Variants in IL23R observed in about 807,000 individuals in gnomAD.
IL23R encodes the protein interleukin-23 receptor.
IL23R carries 34 observed loss-of-function variants against 56.9 expected under a neutral mutation model. The observed-to-expected ratio is 0.60, with a 90% CI of 0.45 to 0.80. The LOEUF (loss-of-function observed/expected upper bound fraction) is 0.80. Ranked by LOEUF, IL23R falls within the 30% of genes least tolerant of loss-of-function variation. The probability of loss-of-function intolerance (pLI) is 0.00; values close to 1 mark genes in which losing one functional copy is unlikely to be tolerated. For synonymous variants in IL23R, 230 were observed against 249.2 expected (o/e 0.92, Z 0.73); for missense variants, 635 against 730.0 (o/e 0.87, Z 1.50).
At chr1:67,221,331 A>G (rs1420885215) in intron 7 of IL23R, among the ~76,000 whole-genome samples, 1 of 152,192 alleles carries the variant, frequency 6.6e-6, no homozygotes, top group Non-Finnish European at 1.5e-5. Context: ...AGAAAATTTT[A>G]TTAAGAACAT....
At chr1:67,152,582 T>C (rs948910734) in intron 1 of IL23R, among the ~76,000 whole-genome samples, 1 of 152,200 alleles carries the variant, frequency 6.6e-6, no homozygotes, top group African/African-American at 2.4e-5. Flanking sequence ...GTATTGGCTA[T>C]GGGTTGTCAT....
At chr1:67,199,213 T>C (rs550360529) in intron 4 of IL23R, among the ~76,000 whole-genome samples, 185 of 152,326 alleles carry the variant, frequency 1.2e-3, no homozygotes, top group African/African-American at 4.2e-3. Context: ...TACAAGTTTC[T>C]TCTTGCATTT....
At chr1:67,170,067 A>T (rs1269124594) in intron 3 of IL23R, among the ~76,000 whole-genome samples, 1 of 152,190 alleles carries the variant, frequency 6.6e-6, no homozygotes, top group African/African-American at 2.4e-5. Flanking sequence ...TAATATAATT[A>T]ACCTTGAAGC....
At chr1:67,206,021 T>C (rs914807469) in intron 5 of IL23R, among the ~76,000 whole-genome samples, 8 of 151,562 alleles carry the variant, frequency 5.3e-5, no homozygotes, top group African/African-American at 1.9e-4. Context: ...TCCCTTCCTT[T>C]CTTTCTTTTT....
chr1:67,252,819 AGAG>A (rs781534954), intron 9 of IL23R, among the ~76,000 whole-genome samples: 1 of 141,906 alleles, frequency 7.0e-6, no homozygotes, highest in Admixed American at 7.1e-5. Flanking sequence ...AAAAAAAAAA[AGAG>A]AGAAGTGACA....
At chr1:67,200,306 T>C (rs2102621634) in intron 4 of IL23R, among the ~76,000 whole-genome samples, 1 of 152,180 alleles carries the variant, frequency 6.6e-6, no homozygotes, top group Non-Finnish European at 1.5e-5. Flanking sequence ...CCTCCCAAAG[T>C]GCTGGGATTA....
At chr1:67,178,481 T>A (rs1272072402) in intron 3 of IL23R, among the ~76,000 whole-genome samples, 1 of 152,218 alleles carries the variant, frequency 6.6e-6, no homozygotes, top group Non-Finnish European at 1.5e-5. Context: ...ATCCTGAGAC[T>A]TTGCTAAAGT....
chr1:67,160,578 A>G (rs909118688), intron 1 of IL23R, among the ~76,000 whole-genome samples: 9 of 152,220 alleles, frequency 5.9e-5, no homozygotes, highest in African/African-American at 2.2e-4. Context: ...TACAATCACT[A>G]TTAGAATGCA....
chr1:67,219,809 T>G (rs1198203208), intron 7 of IL23R, 79 bp downstream of exon 7: 23 of 1,380,596 alleles, frequency 1.7e-5, no homozygotes, highest in Non-Finnish European at 2.1e-5. Flanking sequence ...CTCACACCTA[T>G]AATTCCAGCA....
At chr1:67,140,219 C>A (rs990160770) in intron 1 of IL23R, among the ~76,000 whole-genome samples, 1 of 151,972 alleles carries the variant, frequency 6.6e-6, no homozygotes, top group African/African-American at 2.4e-5. Flanking sequence ...ACTATGCATG[C>A]AAAAGCAAAA....
At position 67,259,525 on chromosome 1, in the gene IL23R, G is replaced by T; in HGVS notation, c.*397G>T. ...GGCACAAAAACAGCATTATGTGGAC[G>T]CCTCATGTATTTTTTATAGAGTCAA... On this transcript the variant is annotated 3_prime_UTR_variant, in exon 11 of 11. Coordinates refer to ENST00000347310, the MANE Select transcript of IL23R (RefSeq NM_144701.3). 1 of 237,950 alleles carries T rather than the reference G, an allele frequency of 4.2e-6. No homozygotes were observed. Among genetic ancestry groups the T allele is most frequent in the Non-Finnish European group, 8.2e-6 (1 of 121,650 alleles). 14.7% of individuals were successfully genotyped at this position (237,950 alleles called of 1,614,324 possible). A position where few individuals can be genotyped will look rare whatever the true frequency, so the allele number is the denominator to read the frequency against.
intron 1 of IL23R, among the ~76,000 whole-genome samples, chr1:67,139,365 A>G (rs1646613275): frequency 6.6e-6 from 1 of 152,214 alleles, no homozygotes; most frequent in South Asian, 2.1e-4. Context: ...CCTAGCAAAA[A>G]GCAGGTACAT....
At chr1:67,219,341 C>A (rs1204080187) in intron 6 of IL23R, among the ~76,000 whole-genome samples, 2 of 152,158 alleles carry the variant, frequency 1.3e-5, no homozygotes, top group East Asian at 3.9e-4. Flanking sequence ...GCACTCCAGC[C>A]TGGGCAATAG....
chr1:67,146,618 T>C (rs1375962740), intron 1 of IL23R, among the ~76,000 whole-genome samples: 2 of 152,258 alleles, frequency 1.3e-5, no homozygotes, highest in Non-Finnish European at 2.9e-5. Flanking sequence ...CTTTTAGGCA[T>C]GCTTCTGTGC....
chr1:67,254,992 C>G (rs1402053658), intron 9 of IL23R, among the ~76,000 whole-genome samples: 2 of 152,162 alleles, frequency 1.3e-5, no homozygotes, highest in Admixed American at 1.3e-4. Context: ...GACATGTTCC[C>G]CAGCCTCCTT....
rs1272230525 is a variant in IL23R at position 67,225,365 on chromosome 1, G to A, written c.955+5635G>A. 3.9e-5 allele frequency among the ~76,000 whole-genome samples: 6 copies of A among 152,254 alleles called. No individual in the cohort carries two copies. In the East Asian group the frequency reaches 7.7e-4, roughly 20 times the overall value. On this transcript the variant is annotated intron_variant, in intron 7 of 10. Coordinates refer to ENST00000347310, the MANE Select transcript of IL23R (RefSeq NM_144701.3). ...GTAAGGAAGGGGCAGTCTGAGATGA[G>A]GATAAAGGATAGGTAAAAAAGGCAG...
upstream of IL23R, among the ~76,000 whole-genome samples, chr1:67,164,663 A>T (rs892226828): frequency 6.6e-6 from 1 of 151,600 alleles, no homozygotes; most frequent in African/African-American, 2.4e-5. Context: ...AAATAAAATA[A>T]AATAAAATAA....
upstream of IL23R, among the ~76,000 whole-genome samples, chr1:67,165,646 A>T (rs1036273458): frequency 6.6e-6 from 1 of 152,238 alleles, no homozygotes; most frequent in Non-Finnish European, 1.5e-5. Flanking sequence ...AAAGGAAGGA[A>T]ATTCTGCCAT....
At chr1:67,228,903 TC>T (rs1650917413) in intron 7 of IL23R, among the ~76,000 whole-genome samples, 1 of 152,152 alleles carries the variant, frequency 6.6e-6, no homozygotes, top group Non-Finnish European at 1.5e-5. Context: ...TCCTCTCAAT[TC>T]CCTTTTGCCT....
Sources: gnomAD v4.1 joint callset for allele counts (sites outside exome capture counted in the v4.1 genomes callset) on GRCh38, gnomAD v4.1.1 for gene constraint, MANE v1.5 for transcripts, NCBI Gene and HGNC (gene_info 2026-07-23, HGNC 2026-07-21) for gene names.